ANKRD26: variants seen among roughly 807,000 people sequenced by gnomAD.
The protein encoded by ANKRD26 is ankyrin repeat domain-containing protein 26.
In ANKRD26, 141 loss-of-function variants were observed where a neutral mutation model predicts 208.7. The ratio of observed to expected loss-of-function variants is 0.68; its 90% CI spans 0.59 to 0.78. ANKRD26 has a LOEUF of 0.78. Among genes scored for constraint, ANKRD26 ranks in the 30% least tolerant of loss-of-function variants. The probability of loss-of-function intolerance (pLI) is 0.00; values close to 1 mark genes in which losing one functional copy is unlikely to be tolerated. For synonymous variants in ANKRD26, 636 were observed against 660.4 expected, an observed-to-expected ratio of 0.96 and a Z score of 0.57; for missense variants, 1,889 against 1,938.7, an observed-to-expected ratio of 0.97 and a Z score of 0.48.
At chr10:27,000,129 C>T (rs1158817488), downstream of ANKRD26, among the ~76,000 whole-genome samples, 1 of 152,114 alleles carries the variant, frequency 6.6e-6, no homozygotes, top group Admixed American at 6.6e-5. Context: ...GCAAAATAAA[C>T]CTCAGATCTT....
At chr10:27,081,900 C>T (rs1200994973) in intron 6 of ANKRD26, among the ~76,000 whole-genome samples, 1 of 151,964 alleles carries the variant, frequency 6.6e-6, no homozygotes, top group Non-Finnish European at 1.5e-5. Context: ...CCACGCCTGG[C>T]TAATTCTTTG....
At chr10:27,045,263 A>T (rs1417201478) in intron 18 of ANKRD26, among the ~76,000 whole-genome samples, 1 of 152,142 alleles carries the variant, frequency 6.6e-6, no homozygotes, top group East Asian at 1.9e-4. Context: ...GTCTCTACTA[A>T]AAATACAAAA....
intron 1 of ANKRD26, among the ~76,000 whole-genome samples, chr10:27,096,195 G>A (rs1217958806): frequency 6.6e-6 from 1 of 152,112 alleles, no homozygotes; most frequent in African/African-American, 2.4e-5. Context: ...GCTCTATGAA[G>A]ACAGTTTTAT....
In ANKRD26 at chr10:27,100,069, T is replaced by C. The variant is rs368460408; in HGVS notation, c.242+16A>G. ...TACTCCAGTGGCACTCAGTCCGGGCTTGCGACGCCTATTACCTGTTCATCT... is the reference window on the plus strand; with the variant it reads ...TACTCCAGTGGCACTCAGTCCGGGCCTGCGACGCCTATTACCTGTTCATCT... On this transcript the variant is annotated intron_variant, in intron 1 of 33. Transcript: ENST00000376087. 4.0e-5 allele frequency: 65 copies of C among 1,613,628 alleles called. No individual in the cohort carries two copies. The African/African-American group carries it at 8.0e-4, about 20-fold the overall frequency.
At chr10:27,051,094 C>G (rs2054639964) in intron 16 of ANKRD26, 2 of 1,283,234 alleles carry the variant, frequency 1.6e-6, no homozygotes, top group Non-Finnish European at 1.0e-6. Flanking sequence ...TTCTCCAAAG[C>G]CTGGAACTCT....
chr10:27,086,938 A>C (rs1329923095), intron 4 of ANKRD26, among the ~76,000 whole-genome samples: 1 of 151,696 alleles, frequency 6.6e-6, no homozygotes, highest in Non-Finnish European at 1.5e-5. Context: ...CGCTCAGCTA[A>C]TTTTTTTGTA....
At chr10:27,091,608 T>C (rs1464920300) in intron 4 of ANKRD26, among the ~76,000 whole-genome samples, 6 of 152,214 alleles carry the variant, frequency 3.9e-5, no homozygotes, top group East Asian at 1.9e-4. Flanking sequence ...AAAACTGCTA[T>C]TGATGTTTAA....
chr10:27,027,578 CTTT>C (rs1291835793), intron 27 of ANKRD26, among the ~76,000 whole-genome samples: 1 of 152,056 alleles, frequency 6.6e-6, no homozygotes, highest in African/African-American at 2.4e-5. Context: ...CTATCATAAT[CTTT>C]TTTATTAAAA....
At chr10:27,067,324 A>G in intron 9 of ANKRD26, 38 bp from the exon 10 acceptor site, 2 of 1,603,158 alleles carry the variant, frequency 1.2e-6, no homozygotes, top group Non-Finnish European at 1.7e-6. Flanking sequence ...AAAACTTCAG[A>G]AAACACTGTA....
intron 20 of ANKRD26, among the ~76,000 whole-genome samples, chr10:27,041,996 T>G (rs1190441469): frequency 6.6e-6 from 1 of 151,916 alleles, no homozygotes; most frequent in Non-Finnish European, 1.5e-5. Flanking sequence ...ATTCAAGTCA[T>G]ATACTATAAA....
the ANKRD26 span, among the ~76,000 whole-genome samples, chr10:26,959,940 C>T: frequency 2.6e-5 from 4 of 152,088 alleles, no homozygotes; most frequent in South Asian, 8.3e-4. Context: ...TATTTGACAC[C>T]TCTCCCATCA....
chr10:27,080,357 G>C (rs930775165), intron 6 of ANKRD26, among the ~76,000 whole-genome samples: 14 of 152,024 alleles, frequency 9.2e-5, no homozygotes, highest in Non-Finnish European at 1.5e-4. Flanking sequence ...ACAGTATAAG[G>C]AGTCCCCTGA....
chr10:27,035,213 C>A lies in ANKRD26; in HGVS notation c.3237G>T (p.Glu1079Asp), dbSNP rs2054003900. 1.2e-6 allele frequency: 2 copies of A among 1,614,036 alleles called. No individual in the cohort carries two copies. The highest frequency in any genetic ancestry group is 1.7e-6 in the Non-Finnish European group (2 of 1,179,946). Residue 1079 changes from glutamate to aspartate, a missense_variant, in exon 24 of 34, where the codon GAG (glutamate) becomes GAT (aspartate). Physicochemically the swap from Glu to Asp is conservative, Grantham distance 45. This residue lies in a region of ANKRD26 where 1,272 missense variants were observed against 1,273.8 expected (regional missense o/e 1.00). Coordinates refer to ENST00000376087, the MANE Select transcript of ANKRD26 (RefSeq NM_014915.3). Reference sequence around the variant, plus strand: ...TGAGGGCATCTCTCGTGTGATGGAACTCAATTTCTAGGCTATTGAGTTTAC... The same window carrying A: ...TGAGGGCATCTCTCGTGTGATGGAAATCAATTTCTAGGCTATTGAGTTTAC... ...TESKLNSLEIEFHHTRDALRE... is the reference protein window; with the variant it reads ...TESKLNSLEIDFHHTRDALRE...
chr10:27,078,026 C>T (rs769734401), intron 7 of ANKRD26, among the ~76,000 whole-genome samples: 41 of 152,080 alleles, frequency 2.7e-4, no homozygotes, highest in Non-Finnish European at 3.8e-4. Flanking sequence ...TTATAAAAGT[C>T]AAACATTAAA....
At chr10:27,075,088 G>T (rs1371569688) in intron 9 of ANKRD26, among the ~76,000 whole-genome samples, 2 of 152,154 alleles carry the variant, frequency 1.3e-5, no homozygotes, top group African/African-American at 4.8e-5. Context: ...ATTTATAAAA[G>T]TTCTCAATGT....
In ANKRD26 at chr10:27,084,639, G is replaced by A. The variant is rs1037094991; in HGVS notation, c.710-1806C>T. Among the ~76,000 whole-genome samples the A allele has an allele frequency of 9.9e-5, 15 of 152,066 alleles. No homozygotes were observed. The South Asian group carries it at 1.2e-3, about 13-fold the overall frequency. On this transcript the variant is annotated intron_variant, in intron 5 of 33. Transcript: ENST00000376087. ...TCCCAATACTTTGGGAGGCCAAGGC[G>A]GGCAGATGTCCTGAGTTCAGGAGTT... is the stretch of plus-strand genomic sequence containing the variant.
At chr10:26,994,296 A>AGC (rs2052540923) in intron 5 of ANKRD26, among the ~76,000 whole-genome samples, 1 of 152,182 alleles carries the variant, frequency 6.6e-6, no homozygotes. Flanking sequence ...GCAACAAAAA[A>AGC]CAGATCAGGA....
At chr10:27,006,797 G>A in intron 33 of ANKRD26, 120 bp downstream of exon 33, 1 of 772,116 alleles carries the variant, frequency 1.3e-6, no homozygotes, top group Non-Finnish European at 2.3e-6. Flanking sequence ...GTGTAAGAAA[G>A]AACATTTAAT....
intron 3 of ANKRD26, among the ~76,000 whole-genome samples, chr10:26,985,950 A>G (rs4253976): frequency 0.43 from 64,469 of 151,444 alleles, 15,050 homozygotes; most frequent in Non-Finnish European, 0.53. Context: ...TATGGAACCA[A>G]AAAAGAGCCC....
Sources: allele counts gnomAD v4.1 joint callset (sites outside exome capture counted in the v4.1 genomes callset), GRCh38; gene constraint gnomAD v4.1.1; regional missense constraint gnomAD v4.1.1; transcripts MANE v1.5; gene names NCBI Gene and HGNC (gene_info 2026-07-23, HGNC 2026-07-21).